Variants in DLG2 observed in about 807,000 individuals in gnomAD.
The protein encoded by DLG2 is disks large homolog 2.
Under a neutral mutation model 132.5 loss-of-function variants are expected in DLG2, and 45 were observed. The ratio of observed to expected loss-of-function variants is 0.34; its 90% CI spans 0.27 to 0.44. The LOEUF is 0.44. Ranked by LOEUF, DLG2 falls within the 20% of genes least tolerant of loss-of-function variation. The probability of loss-of-function intolerance (pLI) is 1.00; values close to 1 mark genes in which losing one functional copy is unlikely to be tolerated. For missense variants in DLG2, 1,045 were observed against 1,196.9 expected (o/e 0.87, Z 1.87); for synonymous variants, 424 against 419.6 (o/e 1.01, Z -0.13).
chr11:84,579,048 C>T (rs1453081968), intron 6 of DLG2, among the ~76,000 whole-genome samples: 7 of 152,156 alleles, frequency 4.6e-5, no homozygotes, highest in Non-Finnish European at 5.9e-5. Flanking sequence ...TTAAGAAGTG[C>T]CTTTTGCCTC....
chr11:83,704,421 T>C (rs76233941), intron 18 of DLG2, among the ~76,000 whole-genome samples: 4,672 of 152,250 alleles, frequency 0.031, 262 homozygotes, highest in African/African-American at 0.11. Context: ...AGTTCTTCAA[T>C]TGTTTTTTTA....
At chr11:84,154,873 C>G (rs149359838) in intron 9 of DLG2, among the ~76,000 whole-genome samples, 2,560 of 152,202 alleles carry the variant, frequency 0.017, 75 homozygotes, top group African/African-American at 0.058. Context: ...GTATATGTGC[C>G]ACATTTTCTT....
At chr11:85,126,700 G>A (rs1034874736) in intron 5 of DLG2, among the ~76,000 whole-genome samples, 4 of 152,060 alleles carry the variant, frequency 2.6e-5, no homozygotes, top group Non-Finnish European at 5.9e-5. Context: ...ATTAGAACCA[G>A]TGTCATTGGC....
At chr11:84,669,093 G>A (rs543496943) in intron 6 of DLG2, among the ~76,000 whole-genome samples, 14 of 152,222 alleles carry the variant, frequency 9.2e-5, no homozygotes, top group South Asian at 4.1e-4. Context: ...GGCCAGGGAA[G>A]GGCTCATAGA....
intron 19 of DLG2, among the ~76,000 whole-genome samples, chr11:83,583,342 A>G (rs1565908323): frequency 6.6e-6 from 1 of 152,150 alleles, no homozygotes; most frequent in Non-Finnish European, 1.5e-5. Context: ...TCATGAACAT[A>G]TTACCGAAAG....
chr11:83,558,665 G>A (rs938833126), intron 19 of DLG2, among the ~76,000 whole-genome samples: 4 of 152,168 alleles, frequency 2.6e-5, no homozygotes, highest in African/African-American at 4.8e-5. Context: ...TTTGTGATAT[G>A]TGTCTGGACT....
At chr11:83,943,917 G>A (rs1052900722) in intron 14 of DLG2, among the ~76,000 whole-genome samples, 25 of 152,136 alleles carry the variant, frequency 1.6e-4, no homozygotes, top group African/African-American at 5.1e-4. Context: ...ATCTGGAAAT[G>A]GCCTTTTAAG....
chr11:84,963,892 A>T (rs2052953413), intron 6 of DLG2, among the ~76,000 whole-genome samples: 1 of 152,128 alleles, frequency 6.6e-6, no homozygotes, highest in Admixed American at 6.6e-5. Flanking sequence ...GGGAAACGGG[A>T]GGATGTCTTT....
intron 10 of DLG2, among the ~76,000 whole-genome samples, chr11:84,060,194 T>C (rs1056517935): frequency 2.6e-5 from 4 of 152,034 alleles, no homozygotes; most frequent in Non-Finnish European, 5.9e-5. Context: ...GTGCCTGTAG[T>C]TCAGCTACTT....
intron 18 of DLG2, chr11:83,651,740 G>C: frequency 4.6e-6 from 2 of 434,276 alleles, no homozygotes; most frequent in Admixed American, 5.1e-5. Flanking sequence ...TTATAATGCT[G>C]TTTGGTTCTA....
chr11:84,265,277 CA>C (rs1387043341), intron 7 of DLG2, among the ~76,000 whole-genome samples: 4 of 152,048 alleles, frequency 2.6e-5, no homozygotes, highest in East Asian at 1.9e-4. Flanking sequence ...CAACCTTTAC[CA>C]GGCACACTTT....
At chr11:83,612,301 A>G (rs1345011117) in intron 19 of DLG2, among the ~76,000 whole-genome samples, 1 of 152,240 alleles carries the variant, frequency 6.6e-6, no homozygotes, top group Non-Finnish European at 1.5e-5. Context: ...ACTCTGAGCC[A>G]TATTTTCCTA....
intron 6 of DLG2, among the ~76,000 whole-genome samples, chr11:84,640,965 C>CAAAAAAAAAAACA (rs372969825): frequency 5.0e-5 from 7 of 138,710 alleles, no homozygotes; most frequent in African/African-American, 1.8e-4. Flanking sequence ...AAAAAAAAAA[C>CAAAAAAAAAAACA]AAAAAAAAAA....
At chr11:83,892,330 C>T (rs1008863005) in intron 15 of DLG2, among the ~76,000 whole-genome samples, 3 of 152,148 alleles carry the variant, frequency 2.0e-5, no homozygotes, top group African/African-American at 7.2e-5. Flanking sequence ...GCGCTTTCCT[C>T]TGGGATTAAT....
intron 3 of DLG2, among the ~76,000 whole-genome samples, chr11:85,302,052 C>A (rs375449873): frequency 2.0e-5 from 3 of 152,176 alleles, no homozygotes; most frequent in South Asian, 4.1e-4. Flanking sequence ...GTCAGACTGT[C>A]ATGGGAAGAA....
chr11:83,509,843 T>A (rs1443486378), intron 21 of DLG2, among the ~76,000 whole-genome samples: 1 of 152,084 alleles, frequency 6.6e-6, no homozygotes, highest in Non-Finnish European at 1.5e-5. Context: ...ATGTGAGACC[T>A]GGGCGTAAGT....
chr11:85,513,152 G>T (rs888012830), intron 3 of DLG2, among the ~76,000 whole-genome samples: 1 of 151,870 alleles, frequency 6.6e-6, no homozygotes, highest in African/African-American at 2.4e-5. Context: ...GAGTGTACAT[G>T]GCCAAAAAGA....
chr11:84,439,984 C>T lies in DLG2; in HGVS notation c.519+94586G>A, dbSNP rs1052124151. ...TGACATTATAATTTTTTATATCTTT[C>T]TATAATTTTTGCATTCTCTTCATGA... On this transcript the variant is annotated intron_variant, in intron 7 of 27. Transcript: ENST00000376104. Among the ~76,000 whole-genome samples the T allele has an allele frequency of 2.7e-4, 41 of 152,140 alleles. 1 individual carries two copies. The highest frequency in any genetic ancestry group is 3.9e-4 in the Admixed American group (6 of 15,264).
At chr11:85,449,323 C>A (rs2092140331) in intron 3 of DLG2, among the ~76,000 whole-genome samples, 1 of 151,976 alleles carries the variant, frequency 6.6e-6, no homozygotes, top group Admixed American at 6.6e-5. Flanking sequence ...ATTCTAATGT[C>A]CATGTCTTTT....
Sources: allele counts gnomAD v4.1 joint callset (sites outside exome capture counted in the v4.1 genomes callset), GRCh38; gene constraint gnomAD v4.1.1; transcripts MANE v1.5; gene names NCBI Gene and HGNC (gene_info 2026-07-23, HGNC 2026-07-21).